The following MIAT variants were observed in gnomAD, a reference collection of about 807,000 sequenced individuals.
MIAT encodes the protein myocardial infarction associated transcript, also known as MI related novel mRNA.
chr22:26,651,637 A>C (rs1930338041), intron 2 of MIAT, among the ~76,000 whole-genome samples: 1 of 152,260 alleles, frequency 6.6e-6, no homozygotes, highest in African/African-American at 2.4e-5. Context: ...GGTGGAAACA[A>C]CCCATATGTC....
exon 4 of MIAT, chr22:26,666,869 G>T (rs950523390): frequency 2.0e-5 from 8 of 399,836 alleles, no homozygotes; most frequent in Non-Finnish European, 3.5e-5. Context: ...GGATGGGCCT[G>T]TGGGGTCTGT....
chr22:26,648,588 G>A (rs2145996441), intron 2 of MIAT, among the ~76,000 whole-genome samples: 1 of 151,574 alleles, frequency 6.6e-6, no homozygotes, highest in Non-Finnish European at 1.5e-5. Flanking sequence ...ATGGAAAATG[G>A]GTCATAGACT....
In MIAT at chr22:26,652,247, A is replaced by C. The variant is rs1227845650; in HGVS notation, n.646+4936A>C. 2.0e-5 allele frequency among the ~76,000 whole-genome samples: 3 copies of C among 152,174 alleles called. No homozygotes were observed. The East Asian group carries it at 5.8e-4, about 29-fold the overall frequency. On this transcript the variant is annotated intron_variant and non_coding_transcript_variant, in intron 2 of 5. Coordinates refer to ENST00000643270, the Ensembl canonical transcript of MIAT. ...GGCTGGTCTTGAGTTCCTGGACTCAAGCGATCTTCCCACCTCAACCTGACA... is the reference window on the plus strand; with the variant it reads ...GGCTGGTCTTGAGTTCCTGGACTCACGCGATCTTCCCACCTCAACCTGACA...
intron 2 of MIAT, among the ~76,000 whole-genome samples, chr22:26,654,183 G>T (rs1930384438): frequency 6.6e-6 from 1 of 152,138 alleles, no homozygotes; most frequent in Non-Finnish European, 1.5e-5. Context: ...CCTCCCATCA[G>T]CCCTTATCTC....
intron 2 of MIAT, among the ~76,000 whole-genome samples, chr22:26,648,215 G>A (rs558755969): frequency 6.6e-6 from 1 of 152,160 alleles, no homozygotes; most frequent in South Asian, 2.1e-4. Flanking sequence ...GCGACTGGGA[G>A]GGCCCGGGAG....
At chr22:26,660,257 A>C (rs1227960442) in intron 2 of MIAT, among the ~76,000 whole-genome samples, 2 of 149,586 alleles carry the variant, frequency 1.3e-5, no homozygotes, top group East Asian at 4.1e-4. Context: ...GGATCACCTG[A>C]GGTCAGGAGT....
At chr22:26,654,631 G>C (rs1459032223) in intron 2 of MIAT, among the ~76,000 whole-genome samples, 2 of 152,214 alleles carry the variant, frequency 1.3e-5, no homozygotes, top group African/African-American at 4.8e-5. Context: ...GTTCAAGGCT[G>C]CAGTGAGCTA....
intron 2 of MIAT, among the ~76,000 whole-genome samples, chr22:26,647,549 C>T (rs775879551): frequency 5.3e-5 from 8 of 152,110 alleles, no homozygotes; most frequent in Non-Finnish European, 1.0e-4. Flanking sequence ...GACCATGAGG[C>T]TGGGCTGCTC....
exon 4 of MIAT, chr22:26,665,751 T>A (rs967743316): frequency 3.5e-5 from 14 of 398,490 alleles, no homozygotes; most frequent in African/African-American, 2.9e-4. Flanking sequence ...CTTTTCTACC[T>A]CTATGGAAGA....
chr22:26,668,493 C>G (rs971459091), exon 6 of MIAT: 6 of 398,950 alleles, frequency 1.5e-5, no homozygotes, highest in Non-Finnish European at 2.6e-5. Flanking sequence ...GGGGCCCTTT[C>G]CTGCCCCATG....
chr22:26,661,917 CATATATATATATATATATATATATATAT>C (rs58654108), intron 2 of MIAT, among the ~76,000 whole-genome samples: 4,539 of 80,614 alleles, frequency 0.056, 361 homozygotes, highest in African/African-American at 0.16. Context: ...TATATAGATC[CATATATATATATATATATATATATATAT>C]ATATATATAT....
exon 6 of MIAT, chr22:26,669,411 C>G (rs1930964801): frequency 2.5e-6 from 1 of 398,694 alleles, no homozygotes; most frequent in Non-Finnish European, 4.4e-6. Context: ...GTGGCACCTT[C>G]TCACTATGTC....
exon 5 of MIAT, chr22:26,675,077 A>G (rs796181256): frequency 2.0e-5 from 8 of 398,632 alleles, no homozygotes; most frequent in Non-Finnish European, 3.1e-5. Flanking sequence ...GTTAAACACC[A>G]TTTGGTCTTC....
intron 2 of MIAT, among the ~76,000 whole-genome samples, chr22:26,652,605 C>A (rs576393952): frequency 1.3e-5 from 2 of 152,144 alleles, no homozygotes; most frequent in Admixed American, 1.3e-4. Flanking sequence ...ATCTGCCCCC[C>A]TCGGCCTCCC....
At chr22:26,668,442 C>T in exon 6 of MIAT, 1 of 398,868 alleles carries the variant, frequency 2.5e-6, no homozygotes, top group East Asian at 3.6e-5. Context: ...CCCTCCTCAC[C>T]TGCTCGGGCC....
intron 2 of MIAT, chr22:26,650,642 T>G (rs1602353557): frequency 6.6e-6 from 1 of 152,266 alleles, no homozygotes; most frequent in African/African-American, 2.4e-5. Flanking sequence ...GAGATAAGAT[T>G]TTGGAGACCA....
chr22:26,654,232 G>A (rs56310025), intron 2 of MIAT, among the ~76,000 whole-genome samples: 11,132 of 152,190 alleles, frequency 0.073, 497 homozygotes, highest in South Asian at 0.13. Flanking sequence ...CCAAACCTAA[G>A]TTTGATTATA....
exon 4 of MIAT, chr22:26,665,821 T>A: frequency 1.0e-5 from 4 of 398,626 alleles, no homozygotes; most frequent in Non-Finnish European, 1.8e-5. Context: ...ACACTTCACA[T>A]TTGGCGTTAG....
intron 2 of MIAT, chr22:26,656,287 A>C (rs1190691866): frequency 6.6e-6 from 1 of 150,950 alleles, no homozygotes; most frequent in Admixed American, 6.6e-5. Flanking sequence ...CTGGGATTAC[A>C]GGTGTGAGCC....
Sources: gnomAD v4.1 joint callset for allele counts (sites outside exome capture counted in the v4.1 genomes callset) on GRCh38, gnomAD v4.1.1 for gene constraint, MANE v1.5 for transcripts, NCBI Gene and HGNC (gene_info 2026-07-23, HGNC 2026-07-21) for gene names.